The following SORCS1 variants were observed in gnomAD, a reference collection of about 807,000 sequenced individuals.
SORCS1 encodes VPS10 domain-containing receptor SorCS1.
A neutral mutation model predicts 146.1 loss-of-function variants in SORCS1; 60 were observed. The ratio of observed to expected loss-of-function variants is 0.41; its 90% CI spans 0.33 to 0.51. The LOEUF (loss-of-function observed/expected upper bound fraction) is 0.51. Ranked by LOEUF, SORCS1 falls within the 20% of genes least tolerant of loss-of-function variation. The probability of loss-of-function intolerance (pLI) is 0.21; values close to 1 mark genes in which losing one functional copy is unlikely to be tolerated. For synonymous variants in SORCS1, 637 were observed against 584.0 expected, an observed-to-expected ratio of 1.09 and a Z score of -1.31; for missense variants, 1,352 against 1,487.6, an observed-to-expected ratio of 0.91 and a Z score of 1.50.
At chr10:106,672,832 C>T in intron 15 of SORCS1, 36 bp downstream of exon 15, 2 of 1,574,834 alleles carry the variant, frequency 1.3e-6, no homozygotes, top group South Asian at 2.2e-5. Flanking sequence ...CTCATGCTTC[C>T]TGCCCAGGCC....
intron 19 of SORCS1, among the ~76,000 whole-genome samples, chr10:106,620,800 T>G (rs1019283220): frequency 1.4e-5 from 2 of 142,282 alleles, no homozygotes; most frequent in Non-Finnish European, 3.0e-5. Flanking sequence ...GAGTTAGGTG[T>G]GTGTAAAAGT....
chr10:106,944,159 CCATAA>C (rs1954193167), intron 2 of SORCS1, among the ~76,000 whole-genome samples: 1 of 152,184 alleles, frequency 6.6e-6, no homozygotes, highest in Non-Finnish European at 1.5e-5. Flanking sequence ...CCAGGTGAAT[CCATAA>C]CATGACACCA....
At chr10:107,093,678 CA>C (rs35208711) in intron 1 of SORCS1, among the ~76,000 whole-genome samples, 104 of 132,372 alleles carry the variant, frequency 7.9e-4, no homozygotes, top group South Asian at 3.3e-3. Flanking sequence ...GACTCAGTCT[CA>C]AAAAAAAAAA....
intron 20 of SORCS1, 22 bp downstream of exon 20, chr10:106,620,406 C>T (rs779657421): frequency 6.9e-6 from 11 of 1,604,160 alleles, no homozygotes; most frequent in African/African-American, 5.4e-5. Flanking sequence ...GTCCCTAGAT[C>T]GCATGTGGAA....
At position 106,883,708 on chromosome 10, in the gene SORCS1, C is replaced by T. The variant is rs184299389; in HGVS notation, c.627-54035G>A. Among the ~76,000 whole-genome samples the T allele has an allele frequency of 8.3e-4, 126 of 152,294 alleles. 1 individual carries two copies. In the East Asian group the frequency reaches 0.016, roughly 20 times the overall value. ...GATTACAGGCGTGAGCCACCACGCC[C>T]GGCCTTCAAATCTATTAACCAATGG... is the stretch of plus-strand genomic sequence containing the variant. On this transcript the variant is annotated intron_variant, in intron 2 of 25. Coordinates refer to ENST00000263054, the MANE Select transcript of SORCS1 (RefSeq NM_052918.5).
In SORCS1 at chr10:106,823,639, G is replaced by C. The variant is rs143625609; in HGVS notation, c.726+5935C>G. Reference sequence around the variant, plus strand: ...GCCATCTAGGTCCTCGCATTCTAAAGGGAGTATTAGACATGGTCAAGAACA... The same window carrying C: ...GCCATCTAGGTCCTCGCATTCTAAACGGAGTATTAGACATGGTCAAGAACA... On this transcript the variant is annotated intron_variant, in intron 3 of 25. Coordinates refer to ENST00000263054, the MANE Select transcript of SORCS1 (RefSeq NM_052918.5). Among the ~76,000 whole-genome samples the C allele has an allele frequency of 4.1e-4, 63 of 152,294 alleles. No homozygotes were observed. In the East Asian group the frequency reaches 9.5e-3, roughly 23 times the overall value.
chr10:106,665,644 TAAAAC>T (rs1851076007), intron 17 of SORCS1, among the ~76,000 whole-genome samples: 1 of 152,136 alleles, frequency 6.6e-6, no homozygotes, highest in Non-Finnish European at 1.5e-5. Context: ...TTTAACACAT[TAAAAC>T]AAAACTCACA....
intron 2 of SORCS1, among the ~76,000 whole-genome samples, chr10:106,938,884 G>A (rs1953887214): frequency 6.6e-6 from 1 of 152,190 alleles, no homozygotes; most frequent in African/African-American, 2.4e-5. Context: ...GGTTATTGTA[G>A]GCTGGGACAT....
rs150775514 is a variant in SORCS1 at position 107,082,673 on chromosome 10, G to T, written c.558+81296C>A. Among the ~76,000 whole-genome samples, 580 of 152,024 alleles carry T rather than the reference G, an allele frequency of 3.8e-3. 4 individuals are homozygous for T. The highest frequency in any genetic ancestry group is 0.013 in the African/African-American group (543 of 41,484). On this transcript the variant is annotated intron_variant, in intron 1 of 25. Transcript: ENST00000263054. Reference sequence around the variant, plus strand: ...ATTTTTGTATTTTTGGTAGATACCGGGTTTCACCATGTTGGCCAGTCTCGA... The same window carrying T: ...ATTTTTGTATTTTTGGTAGATACCGTGTTTCACCATGTTGGCCAGTCTCGA...
In SORCS1 at chr10:106,730,170, C is replaced by T. The variant is rs1856492578; in HGVS notation, c.960-56G>A. On this transcript the variant is annotated intron_variant, in intron 5 of 25. Transcript: ENST00000263054. ...TCCATATTAATGACTTCACATGTGC[C>T]TTAGTGGAACTCGGCAGAGCCCCCA... 6.4e-6 allele frequency: 10 copies of T among 1,557,292 alleles called. No homozygotes were observed. In the South Asian group the frequency reaches 1.0e-4, roughly 16 times the overall value.
At chr10:106,955,853 C>T (rs822087) in intron 2 of SORCS1, among the ~76,000 whole-genome samples, 25,206 of 151,958 alleles carry the variant, frequency 0.17, 3,034 homozygotes, top group East Asian at 0.38. Context: ...ATTAGCCAGG[C>T]GTGGTGGCGC....
intron 2 of SORCS1, among the ~76,000 whole-genome samples, chr10:106,921,964 C>T (rs1428122695): frequency 6.6e-6 from 1 of 152,186 alleles, no homozygotes; most frequent in Non-Finnish European, 1.5e-5. Context: ...CGTGCTGCAT[C>T]TCATACCAAG....
intron 5 of SORCS1, among the ~76,000 whole-genome samples, chr10:106,752,494 C>A (rs1858332900): frequency 6.6e-6 from 1 of 152,140 alleles, no homozygotes; most frequent in Non-Finnish European, 1.5e-5. Flanking sequence ...CATAGACTTA[C>A]TAGTGCTTAC....
chr10:106,794,063 G>C (rs1001198457), intron 3 of SORCS1, among the ~76,000 whole-genome samples: 2 of 152,140 alleles, frequency 1.3e-5, no homozygotes, highest in African/African-American at 4.8e-5. Context: ...GCAAACATTA[G>C]AACCCCATAG....
intron 1 of SORCS1, among the ~76,000 whole-genome samples, chr10:107,158,511 C>G (rs1969463043): frequency 6.6e-6 from 1 of 152,138 alleles, no homozygotes; most frequent in African/African-American, 2.4e-5. Context: ...CTCTACAATC[C>G]AGCTTGAAGG....
rs545803730 is a variant in SORCS1, at chr10:106,865,656, G to A, written c.627-35983C>T. Among the ~76,000 whole-genome samples, 6 of 151,486 alleles carry A rather than the reference G, an allele frequency of 4.0e-5. No individual in the cohort carries two copies. The East Asian group carries it at 5.8e-4, about 15-fold the overall frequency. On this transcript the variant is annotated intron_variant, in intron 2 of 25. Transcript: ENST00000263054. ...AGGAGAACGCTTGAACCTGGGAGGCGGAGGTTGCAGTGAGCCAAGATTGTG... is the reference window on the plus strand; with the variant it reads ...AGGAGAACGCTTGAACCTGGGAGGCAGAGGTTGCAGTGAGCCAAGATTGTG...
chr10:107,028,171 C>T (rs886215228), intron 1 of SORCS1, among the ~76,000 whole-genome samples: 2 of 152,168 alleles, frequency 1.3e-5, no homozygotes, highest in Non-Finnish European at 2.9e-5. Context: ...TCAGTGGCCA[C>T]TGTATCTTAA....
chr10:106,709,409 G>T, intron 6 of SORCS1, 68 bp from the exon 7 acceptor site: 1 of 864,496 alleles, frequency 1.2e-6, no homozygotes, highest in Non-Finnish European at 1.8e-6. Context: ...TTTACAGTCA[G>T]GGTGGACGTT....
chr10:106,878,415 G>A (rs1034344813), intron 2 of SORCS1, among the ~76,000 whole-genome samples: 14 of 151,110 alleles, frequency 9.3e-5, no homozygotes, highest in African/African-American at 2.4e-4. Context: ...ACCTTGGGGC[G>A]GTGATTAGGT....
Sources: allele counts gnomAD v4.1 joint callset (sites outside exome capture counted in the v4.1 genomes callset), GRCh38; gene constraint gnomAD v4.1.1; transcripts MANE v1.5; gene names NCBI Gene and HGNC (gene_info 2026-07-23, HGNC 2026-07-21).